Variants in LAPTM5 observed in about 807,000 individuals in gnomAD.
LAPTM5 encodes lysosomal protein transmembrane 5.
LAPTM5 carries 11 observed loss-of-function variants against 30.1 expected under a neutral mutation model. The observed-to-expected ratio is 0.37, with a 90% CI of 0.23 to 0.60. LAPTM5 has a LOEUF of 0.60. LAPTM5 is among the 20% of genes least tolerant of loss of function. The probability of loss-of-function intolerance (pLI) is 0.71; values close to 1 mark genes in which losing one functional copy is unlikely to be tolerated. For missense variants in LAPTM5, 324 were observed against 332.5 expected, an observed-to-expected ratio of 0.97 and a Z score of 0.20; for synonymous variants, 151 against 137.9, an observed-to-expected ratio of 1.10 and a Z score of -0.67.
chr1:30,752,999 G>T (rs1334194770), intron 1 of LAPTM5, among the ~76,000 whole-genome samples: 1 of 151,786 alleles, frequency 6.6e-6, no homozygotes, highest in South Asian at 2.1e-4. Flanking sequence ...GTAAAGACAG[G>T]GTTTTGTCCT....
intron 1 of LAPTM5, among the ~76,000 whole-genome samples, chr1:30,754,685 A>G (rs998728137): frequency 2.0e-5 from 3 of 152,244 alleles, no homozygotes; most frequent in Non-Finnish European, 2.9e-5. Context: ...AGAATCCTCT[A>G]CACAAACCCA....
chr1:30,733,720 A>C lies in LAPTM5; in HGVS notation c.*108T>G. The C allele has an allele frequency of 2.2e-6, 3 of 1,343,420 alleles. No individual in the cohort carries two copies. The highest frequency in any genetic ancestry group is 3.1e-6 in the Non-Finnish European group (3 of 974,172). 83.2% of individuals were successfully genotyped at this position (1,343,420 alleles called of 1,614,324 possible). A position where few individuals can be genotyped will look rare whatever the true frequency, so the allele number is the denominator to read the frequency against. Reference sequence around the variant, plus strand: ...GGAGACACAAGCAGATTGTCCTGCCAGGGAGGGGCGGGAGGGCCCACCCAG... The same window carrying C: ...GGAGACACAAGCAGATTGTCCTGCCCGGGAGGGGCGGGAGGGCCCACCCAG... On this transcript the variant is annotated 3_prime_UTR_variant, in exon 8 of 8. Transcript: ENST00000294507.
chr1:30,733,054 T>C lies in LAPTM5; in HGVS notation c.*774A>G, dbSNP rs892182702. On this transcript the variant is annotated 3_prime_UTR_variant, in exon 8 of 8. Transcript: ENST00000294507. Reference sequence around the variant, plus strand: ...TGTGTTTGAAGGGACTGTTTTATGATGAAATAACTGTTATTTCCTGGAGCT... The same window carrying C: ...TGTGTTTGAAGGGACTGTTTTATGACGAAATAACTGTTATTTCCTGGAGCT... 4 of 154,998 alleles carry C rather than the reference T, an allele frequency of 2.6e-5. No individual in the cohort carries two copies. Among genetic ancestry groups the C allele is most frequent in the African/African-American group, 7.2e-5 (3 of 41,470 alleles). The allele number at this position is 154,998 out of a possible 1,614,324, so 9.6% of individuals were successfully genotyped here. A position where few individuals can be genotyped will look rare whatever the true frequency, so the allele number is the denominator to read the frequency against.
chr1:30,746,687 A>G lies in LAPTM5; in HGVS notation c.88-4138T>C, dbSNP rs1195146179. 6.6e-6 allele frequency among the ~76,000 whole-genome samples: 1 copy of G among 152,100 alleles called. No homozygotes were observed. The highest frequency in any genetic ancestry group is 1.5e-5 in the Non-Finnish European group (1 of 68,024). On this transcript the variant is annotated intron_variant, in intron 1 of 7. Coordinates refer to ENST00000294507, the MANE Select transcript of LAPTM5 (RefSeq NM_006762.3). This position sits in a 1 kb window ranked among gnomAD's most constrained non-coding sequence, Gnocchi z 4.0. Reference sequence around the variant, plus strand: ...CCCTTCATTCTATGCTGGTGAGATCATGAAGATAAGAGCTCGGGTGCTGGG... The same window carrying G: ...CCCTTCATTCTATGCTGGTGAGATCGTGAAGATAAGAGCTCGGGTGCTGGG...
chr1:30,737,835 C>T (rs539370764), intron 5 of LAPTM5, 136 bp from the exon 6 acceptor site: 49 of 586,040 alleles, frequency 8.4e-5, no homozygotes, highest in South Asian at 2.7e-4. Flanking sequence ...CTTGGTCGAC[C>T]GCCACAGCAG....
At chr1:30,750,966 C>T (rs1446466704) in intron 1 of LAPTM5, among the ~76,000 whole-genome samples, 2 of 152,238 alleles carry the variant, frequency 1.3e-5, no homozygotes, top group Non-Finnish European at 2.9e-5. Flanking sequence ...TGTGCCACTT[C>T]CCTTGGCAGG....
intron 1 of LAPTM5, among the ~76,000 whole-genome samples, chr1:30,749,682 C>T (rs3790500): frequency 2.6e-5 from 4 of 151,960 alleles, no homozygotes; most frequent in African/African-American, 4.8e-5. Context: ...GGGGTCAGGG[C>T]GGGCTTCTCA....
chr1:30,742,323 G>A (rs1639982456), intron 2 of LAPTM5, 133 bp downstream of exon 2: 2 of 641,252 alleles, frequency 3.1e-6, no homozygotes, highest in African/African-American at 1.8e-5. Flanking sequence ...CCCAAGAAAG[G>A]AAGACACTTG....
chr1:30,734,379 T>A (rs1308392650), intron 7 of LAPTM5, among the ~76,000 whole-genome samples: 1 of 152,186 alleles, frequency 6.6e-6, no homozygotes, highest in African/African-American at 2.4e-5. Context: ...GAGGGTGGGA[T>A]ATCTGCCTAG....
At chr1:30,735,597 C>T (rs1196802677) in intron 6 of LAPTM5, among the ~76,000 whole-genome samples, 2 of 152,230 alleles carry the variant, frequency 1.3e-5, no homozygotes, top group African/African-American at 4.8e-5. Flanking sequence ...GACAGCCCTG[C>T]CCATCTCGAA....
At chr1:30,742,096 G>A in intron 2 of LAPTM5, 1 of 379,758 alleles carries the variant, frequency 2.6e-6, no homozygotes, top group East Asian at 5.9e-5. Flanking sequence ...GGGAGATGCT[G>A]TCAGAGAGGT....
intron 1 of LAPTM5, among the ~76,000 whole-genome samples, chr1:30,750,699 G>C (rs1462614626): frequency 1.1e-4 from 16 of 152,194 alleles, no homozygotes; most frequent in Admixed American, 1.0e-3. Context: ...ACCTGGAGCA[G>C]ACACCTGGGC....
chr1:30,748,559 T>C (rs1569868454), intron 1 of LAPTM5, among the ~76,000 whole-genome samples: 1 of 152,250 alleles, frequency 6.6e-6, no homozygotes, highest in Non-Finnish European at 1.5e-5. Flanking sequence ...GAAGCTCCCC[T>C]TCCCCACCCT....
In LAPTM5 at chr1:30,733,583, A is replaced by T; in HGVS notation, c.*245T>A. ...ACAAGTGTCAGAGCTGATTGAAATA[A>T]ACCAAGCATTGTTGGGCTGAATTAT... On this transcript the variant is annotated 3_prime_UTR_variant, in exon 8 of 8. Coordinates refer to ENST00000294507, the MANE Select transcript of LAPTM5 (RefSeq NM_006762.3). 6.6e-7 allele frequency: 1 copy of T among 1,520,020 alleles called. No individual in the cohort carries two copies. The allele number at this position is 1,520,020 out of a possible 1,614,324, so 94.2% of individuals were successfully genotyped here.
Position 30,733,596 on chromosome 1 carries a change from T to G in LAPTM5, c.*232A>C, listed in dbSNP as rs2124172709. The G allele has an allele frequency of 6.6e-7, 1 of 1,525,930 alleles. No individual in the cohort carries two copies. Among genetic ancestry groups the G allele is most frequent in the East Asian group, 2.5e-5 (1 of 40,290 alleles). The allele number at this position is 1,525,930 out of a possible 1,614,324, so 94.5% of individuals were successfully genotyped here. Reference sequence around the variant, plus strand: ...CTGATTGAAATAAACCAAGCATTGTTGGGCTGAATTATGGAGAGACCCGAG... The same window carrying G: ...CTGATTGAAATAAACCAAGCATTGTGGGGCTGAATTATGGAGAGACCCGAG... On this transcript the variant is annotated 3_prime_UTR_variant, in exon 8 of 8. Coordinates refer to ENST00000294507, the MANE Select transcript of LAPTM5 (RefSeq NM_006762.3).
intron 1 of LAPTM5, among the ~76,000 whole-genome samples, chr1:30,749,547 G>A (rs535459514): frequency 7.7e-4 from 117 of 152,250 alleles, no homozygotes; most frequent in African/African-American, 2.7e-3. Flanking sequence ...CAGGTTCCAC[G>A]GGATCATGAA....
intron 1 of LAPTM5, among the ~76,000 whole-genome samples, chr1:30,744,883 C>G (rs941877550): frequency 6.6e-6 from 1 of 152,118 alleles, no homozygotes; most frequent in African/African-American, 2.4e-5. Flanking sequence ...CTAAATTACA[C>G]GCATGTGTTG....
intron 6 of LAPTM5, among the ~76,000 whole-genome samples, chr1:30,736,471 T>C (rs561106487): frequency 2.0e-5 from 3 of 152,286 alleles, no homozygotes; most frequent in Non-Finnish European, 4.4e-5. Flanking sequence ...TCTCACTCTG[T>C]CGCCTAGGCT....
intron 6 of LAPTM5, 101 bp from the exon 7 acceptor site, chr1:30,735,366 A>G: frequency 1.1e-6 from 1 of 925,230 alleles, no homozygotes; most frequent in South Asian, 1.3e-5. Context: ...CTCTCTCCAG[A>G]AGCCAGCATC....
Sources: gnomAD v4.1 joint callset for allele counts (sites outside exome capture counted in the v4.1 genomes callset) on GRCh38, gnomAD v4.1.1 for gene constraint, Gnocchi (gnomAD v3.1) non-coding constraint, MANE v1.5 for transcripts, NCBI Gene and HGNC (gene_info 2026-07-23, HGNC 2026-07-21) for gene names.